The following RPS10 variants were observed in gnomAD, a reference collection of about 807,000 sequenced individuals.
RPS10 encodes ribosomal protein S10.
A neutral mutation model predicts 22.6 loss-of-function variants in RPS10; 2 were observed. The ratio of observed to expected loss-of-function variants is 0.09; its 90% CI spans 0.04 to 0.28. The LOEUF (loss-of-function observed/expected upper bound fraction) is 0.28. RPS10 is among the 10% of genes least tolerant of loss of function. The pLI is 1.00. For missense variants in RPS10, 137 were observed against 222.2 expected (o/e 0.62, Z 2.44); for synonymous variants, 70 against 75.9 (o/e 0.92, Z 0.40).
intron 1 of RPS10, 130 bp from the exon 2 acceptor site, chr6:34,425,351 CAA>C: frequency 2.4e-6 from 3 of 1,238,252 alleles, no homozygotes; most frequent in East Asian, 2.6e-5. Flanking sequence ...CTCAACTCCA[CAA>C]AACAGATTCG....
intron 2 of RPS10, 102 bp downstream of exon 2, chr6:34,424,970 G>T: frequency 6.2e-7 from 1 of 1,608,674 alleles, no homozygotes; most frequent in South Asian, 1.1e-5. Flanking sequence ...TTTTGAACTT[G>T]CCTTGAACCT....
intron 4 of RPS10, among the ~76,000 whole-genome samples, chr6:34,418,957 C>T (rs1309027546): frequency 6.6e-6 from 1 of 151,988 alleles, no homozygotes; most frequent in African/African-American, 2.4e-5. Context: ...TCACTACAAC[C>T]TCTGCCTCAT....
chr6:34,421,443 C>G (rs977590151), intron 4 of RPS10, among the ~76,000 whole-genome samples: 14 of 151,954 alleles, frequency 9.2e-5, no homozygotes, highest in South Asian at 6.2e-4. Context: ...TTCGACCCCC[C>G]CCCTCCAACC....
intron 4 of RPS10, among the ~76,000 whole-genome samples, chr6:34,418,899 G>A (rs543890474): frequency 2.0e-5 from 3 of 152,324 alleles, no homozygotes; most frequent in African/African-American, 7.2e-5. Flanking sequence ...ATTTGAGACA[G>A]GGTCTTACTC....
chr6:34,420,891 C>T (rs1227394418), intron 4 of RPS10, among the ~76,000 whole-genome samples: 2 of 151,318 alleles, frequency 1.3e-5, no homozygotes, highest in Non-Finnish European at 2.9e-5. Flanking sequence ...GCCTGTAGTC[C>T]CAGCTACTCG....
chr6:34,421,224 C>G (rs1581926625), intron 4 of RPS10, among the ~76,000 whole-genome samples: 1 of 151,670 alleles, frequency 6.6e-6, no homozygotes, highest in African/African-American at 2.4e-5. Context: ...CCAGTGTGAG[C>G]CATAGATCTA....
At chr6:34,418,453 A>T in intron 4 of RPS10, 29 bp from the exon 5 acceptor site, 1 of 1,614,188 alleles carries the variant, frequency 6.2e-7, no homozygotes, top group Non-Finnish European at 8.5e-7. Flanking sequence ...ATTTAGAATC[A>T]TCATATGATC....
chr6:34,424,576 C>T, intron 3 of RPS10, 93 bp downstream of exon 3: 1 of 1,535,896 alleles, frequency 6.5e-7, no homozygotes, highest in Non-Finnish European at 8.9e-7. Flanking sequence ...AGGCCAGAGC[C>T]CTCTAAAGCT....
intron 3 of RPS10, among the ~76,000 whole-genome samples, chr6:34,422,552 T>C (rs1266701262): frequency 1.3e-5 from 2 of 151,982 alleles, no homozygotes; most frequent in African/African-American, 4.8e-5. Context: ...TGACCTCAAG[T>C]GACCCTCCCG....
intron 4 of RPS10, 57 bp downstream of exon 4, chr6:34,421,673 G>A: frequency 1.9e-6 from 3 of 1,599,240 alleles, no homozygotes; most frequent in East Asian, 2.2e-5. Flanking sequence ...AGAGCCAGCT[G>A]TGAGAATCCA....
chr6:34,420,994 C>T (rs1581926233), intron 4 of RPS10, among the ~76,000 whole-genome samples: 1 of 143,496 alleles, frequency 7.0e-6, no homozygotes, highest in Admixed American at 7.1e-5. Context: ...GGTGACAGAG[C>T]GAGACTGTCT....
intron 3 of RPS10, among the ~76,000 whole-genome samples, chr6:34,422,738 T>G (rs1005041041): frequency 6.7e-6 from 1 of 149,600 alleles, no homozygotes; most frequent in Non-Finnish European, 1.5e-5. Flanking sequence ...GGATTACAGG[T>G]GTGAGCCACC....
intron 4 of RPS10, among the ~76,000 whole-genome samples, 183 bp downstream of exon 4, chr6:34,421,547 T>C (rs1765769758): frequency 6.6e-6 from 1 of 152,086 alleles, no homozygotes; most frequent in Non-Finnish European, 1.5e-5. Flanking sequence ...ATCTATGAAA[T>C]CACTGCATGA....
chr6:34,422,025 A>C (rs1169326031), intron 3 of RPS10, among the ~76,000 whole-genome samples: 1 of 152,186 alleles, frequency 6.6e-6, no homozygotes, highest in Non-Finnish European at 1.5e-5. Context: ...ATCTGAAAAA[A>C]AAAAAAAAGG....
At position 34,417,657 on chromosome 6, in the gene RPS10, C is replaced by G. The variant is rs75259239; in HGVS notation, c.457-110G>C. Reference sequence around the variant, plus strand: ...AACTCCAGAGGCCCCCAAATGTAAACAGCTGGGAGAGAGCTGAGTACAGGC... The same window carrying G: ...AACTCCAGAGGCCCCCAAATGTAAAGAGCTGGGAGAGAGCTGAGTACAGGC... On this transcript the variant is annotated intron_variant, in intron 5 of 5. Transcript: ENST00000648437. 1.8e-3 allele frequency: 1,804 copies of G among 1,027,040 alleles called. 40 individuals carry two copies. In the East Asian group the frequency reaches 0.036, roughly 20 times the overall value. The allele number at this position is 1,027,040 out of a possible 1,614,324, so 63.6% of individuals were successfully genotyped here. A position where few individuals can be genotyped will look rare whatever the true frequency, so the allele number is the denominator to read the frequency against.
At chr6:34,424,968 T>C in intron 2 of RPS10, 104 bp downstream of exon 2, 3 of 1,609,252 alleles carry the variant, frequency 1.9e-6, no homozygotes, top group South Asian at 1.1e-5. Context: ...CTTTTTGAAC[T>C]TGCCTTGAAC....
At chr6:34,422,337 C>G (rs754192647) in intron 3 of RPS10, among the ~76,000 whole-genome samples, 1 of 152,124 alleles carries the variant, frequency 6.6e-6, no homozygotes, top group South Asian at 2.1e-4. Context: ...TTTTGTGAGA[C>G]GGAGTCTCAC....
At chr6:34,419,559 GATTTATTTGT>G (rs1409612528) in intron 4 of RPS10, among the ~76,000 whole-genome samples, 22 of 143,382 alleles carry the variant, frequency 1.5e-4, no homozygotes, top group Admixed American at 9.1e-4. Context: ...TTTTTAAACC[GATTTATTTGT>G]ATTTATTTAC....
At chr6:34,425,386 C>T (rs911631106) in intron 1 of RPS10, 165 bp from the exon 2 acceptor site, 2 of 817,340 alleles carry the variant, frequency 2.4e-6, no homozygotes, top group Middle Eastern at 2.6e-4. Context: ...TCCGTCAGTC[C>T]CCACCCCCAA....
Sources: allele counts gnomAD v4.1 joint callset (sites outside exome capture counted in the v4.1 genomes callset), GRCh38; gene constraint gnomAD v4.1.1; transcripts MANE v1.5; gene names NCBI Gene and HGNC (gene_info 2026-07-23, HGNC 2026-07-21).